The following WNT7B variants were observed in gnomAD, a reference collection of about 807,000 sequenced individuals.
WNT7B encodes the protein protein Wnt-7b.
WNT7B carries 19 observed loss-of-function variants against 38.2 expected under a neutral mutation model. The observed-to-expected ratio is 0.50, with a 90% CI of 0.35 to 0.73. The LOEUF is 0.73. Among genes scored for constraint, WNT7B ranks in the 30% least tolerant of loss-of-function variants. The pLI is 0.01. For synonymous variants in WNT7B, 243 were observed against 209.3 expected, an observed-to-expected ratio of 1.16 and a Z score of -1.39; for missense variants, 423 against 507.9, an observed-to-expected ratio of 0.83 and a Z score of 1.61.
rs557062410 is a variant in WNT7B, at chr22:45,944,442, GC to G, written c.298+5477del. On this transcript the variant is annotated intron_variant, in intron 2 of 3. Transcript: ENST00000339464. Reference sequence around the variant, plus strand: ...CAGCCCCGGCCTCGTCCCACCCTGAGCCAGGAGTGGGCTTGGGCAGCTTCGC... The same window carrying G: ...CAGCCCCGGCCTCGTCCCACCCTGAGCAGGAGTGGGCTTGGGCAGCTTCGC... 2.9e-3 allele frequency among the ~76,000 whole-genome samples: 444 copies of G among 152,336 alleles called. 2 individuals are homozygous for G. Among genetic ancestry groups the G allele is most frequent in the Non-Finnish European group, 5.3e-3 (358 of 68,022 alleles).
chr22:45,929,703 T>TCCATCCACCCGTGAATCCACTCAC (rs1011197548), intron 3 of WNT7B, among the ~76,000 whole-genome samples: 1 of 104,040 alleles, frequency 9.6e-6, no homozygotes, highest in Non-Finnish European at 2.1e-5. Context: ...CACCCATCTT[T>TCCATCCACCCGTGAATCCACTCAC]CCATCCACCC....
At position 45,975,747 on chromosome 22, in the gene WNT7B, G is replaced by A. The variant is rs993089276; in HGVS notation, c.71+937C>T. 46 of 389,396 alleles carry A rather than the reference G, an allele frequency of 1.2e-4. No individual in the cohort carries two copies. Among genetic ancestry groups the A allele is most frequent in the Non-Finnish European group, 9.6e-5 (21 of 217,978 alleles). The allele number at this position is 389,396 out of a possible 1,614,324, so 24.1% of individuals were successfully genotyped here. A position where few individuals can be genotyped will look rare whatever the true frequency, so the allele number is the denominator to read the frequency against. ...CCGGCGGCGCACAGTAGGCGCGCAG[G>A]GCGCGGCGGGGCCCGGGTCCCCGCA... On this transcript the variant is annotated intron_variant, in intron 1 of 3. Transcript: ENST00000339464. The surrounding 1 kb of genome is among the most constrained non-coding windows in gnomAD (Gnocchi z 6.6).
chr22:45,952,727 T>C (rs10448582), intron 1 of WNT7B, among the ~76,000 whole-genome samples: 76,827 of 152,088 alleles, frequency 0.51, 20,774 homozygotes, highest in African/African-American at 0.7. Context: ...ACCCTGGGGG[T>C]GGCAATGGAT....
chr22:45,969,995 A>T (rs1932397188), intron 1 of WNT7B, among the ~76,000 whole-genome samples: 1 of 152,220 alleles, frequency 6.6e-6, no homozygotes, highest in Non-Finnish European at 1.5e-5. Context: ...CGGGTCAGAG[A>T]CATCGAAACC....
chr22:45,976,705 C>T lies in WNT7B; in HGVS notation c.50G>A (p.Gly17Asp). The change falls in exon 1 of 4, where the codon GGC becomes GAC. Residue 17 changes from glycine (G) to aspartate (D), a missense_variant. Transcript: ENST00000339464. This position sits in a 1 kb window ranked among gnomAD's most constrained non-coding sequence, Gnocchi z 8.5. ...TCACCCGAGCTTCACGTACAGGACG[C>T]CAAAGCAGAGAAACACGTAGAAAAT... Reference protein sequence around the residue: ...KWIFYVFLCFGVLYVKLGALS... With the variant: ...KWIFYVFLCFDVLYVKLGALS... The T allele has an allele frequency of 6.2e-7, 1 of 1,610,060 alleles. No homozygotes were observed. Among genetic ancestry groups the T allele is most frequent in the Non-Finnish European group, 8.5e-7 (1 of 1,177,794 alleles).
intron 1 of WNT7B, among the ~76,000 whole-genome samples, chr22:45,954,316 A>T (rs550776701): frequency 1.6e-4 from 24 of 152,332 alleles, no homozygotes; most frequent in African/African-American, 5.5e-4. Context: ...GGGGTGATGG[A>T]AAGTTCTGGA....
intron 1 of WNT7B, among the ~76,000 whole-genome samples, chr22:45,961,624 G>T (rs1178560717): frequency 2.0e-5 from 3 of 152,034 alleles, no homozygotes; most frequent in South Asian, 2.1e-4. Flanking sequence ...CTGGGCAGGT[G>T]GGGGGTGGGC....
At chr22:45,971,489 C>T (rs1044303396) in intron 1 of WNT7B, among the ~76,000 whole-genome samples, 3 of 152,206 alleles carry the variant, frequency 2.0e-5, no homozygotes, top group Non-Finnish European at 4.4e-5. Flanking sequence ...GCCGGGCACA[C>T]ACACGCGCGC....
chr22:45,955,150 G>A (rs2146737787), intron 1 of WNT7B, among the ~76,000 whole-genome samples: 1 of 152,336 alleles, frequency 6.6e-6, no homozygotes, highest in South Asian at 2.1e-4. Flanking sequence ...CTCCCATGCA[G>A]CTGCCATCCC....
At chr22:45,958,919 C>G (rs1412102097) in intron 1 of WNT7B, among the ~76,000 whole-genome samples, 2 of 152,162 alleles carry the variant, frequency 1.3e-5, no homozygotes, top group East Asian at 1.9e-4. Context: ...GAGAAGGAAG[C>G]CCCCCGACGG....
chr22:45,954,432 G>A (rs148163694), intron 1 of WNT7B, among the ~76,000 whole-genome samples: 8 of 152,252 alleles, frequency 5.3e-5, no homozygotes, highest in African/African-American at 1.9e-4. Flanking sequence ...TTTTAACCAC[G>A]ATTTTAAAAA....
At chr22:45,963,002 C>T (rs899658112) in intron 1 of WNT7B, among the ~76,000 whole-genome samples, 2 of 152,232 alleles carry the variant, frequency 1.3e-5, no homozygotes, top group Non-Finnish European at 1.5e-5. Context: ...AGCGGCAGGT[C>T]TGGGGGCCGA....
In WNT7B at chr22:45,964,375, C is replaced by T. The variant is rs930895563; in HGVS notation, c.71+12309G>A. ...CAACCTTGCTGGAGCAGTGATGGGG[C>T]CGAACAAGCGCTTCAGCCCACAGGA... On this transcript the variant is annotated intron_variant, in intron 1 of 3. Transcript: ENST00000339464. Among the ~76,000 whole-genome samples the T allele has an allele frequency of 5.9e-5, 9 of 152,250 alleles. No homozygotes were observed. In the South Asian group the frequency reaches 8.3e-4, roughly 14 times the overall value.
intron 1 of WNT7B, among the ~76,000 whole-genome samples, chr22:45,955,601 G>T (rs28465576): frequency 4.6e-5 from 7 of 152,020 alleles, no homozygotes; most frequent in African/African-American, 1.2e-4. Flanking sequence ...GCTGGGAGCG[G>T]GGGCATTCAT....
At chr22:45,968,153 G>A (rs575475560) in intron 1 of WNT7B, among the ~76,000 whole-genome samples, 11 of 152,282 alleles carry the variant, frequency 7.2e-5, no homozygotes, top group Admixed American at 2.6e-4. Flanking sequence ...TCTCTTTCAT[G>A]TGCCTGTTTA....
chr22:45,969,825 G>A (rs1932393311), intron 1 of WNT7B, among the ~76,000 whole-genome samples: 1 of 152,196 alleles, frequency 6.6e-6, no homozygotes, highest in Non-Finnish European at 1.5e-5. Context: ...GGAGCAGAAT[G>A]AAGCCTCCAC....
intron 2 of WNT7B, among the ~76,000 whole-genome samples, chr22:45,937,398 C>T (rs539543165): frequency 1.3e-5 from 2 of 152,336 alleles, no homozygotes; most frequent in African/African-American, 4.8e-5. Context: ...CTTTCTGTGT[C>T]CCTGTCTCCC....
At chr22:45,940,126 G>C (rs942628438) in intron 2 of WNT7B, among the ~76,000 whole-genome samples, 3 of 152,194 alleles carry the variant, frequency 2.0e-5, no homozygotes, top group African/African-American at 7.2e-5. Flanking sequence ...ATGTGGATTA[G>C]ATCTCACTGA....
chr22:45,938,176 C>T (rs1341741648), intron 2 of WNT7B, among the ~76,000 whole-genome samples: 5 of 152,098 alleles, frequency 3.3e-5, no homozygotes, highest in Non-Finnish European at 7.4e-5. Context: ...TGCAGTGGCA[C>T]GCAGGTCATC....
Sources: gnomAD v4.1 joint callset for allele counts (sites outside exome capture counted in the v4.1 genomes callset) on GRCh38, gnomAD v4.1.1 for gene constraint, Gnocchi (gnomAD v3.1) non-coding constraint, MANE v1.5 for transcripts, NCBI Gene and HGNC (gene_info 2026-07-23, HGNC 2026-07-21) for gene names.